COG5: variants seen among roughly 807,000 people sequenced by gnomAD.
COG5 encodes conserved oligomeric Golgi complex subunit 5.
COG5 carries 86 observed loss-of-function variants against 110.4 expected under a neutral mutation model. That is an observed-to-expected ratio of 0.78 (90% confidence interval 0.65 to 0.93). The LOEUF is 0.93. Ranked by LOEUF, COG5 falls within the 40% of genes least tolerant of loss-of-function variation. The pLI is 0.00. For synonymous variants in COG5, 360 were observed against 334.6 expected (o/e 1.08, Z -0.83); for missense variants, 1,077 against 987.0 (o/e 1.09, Z -1.22).
At chr7:107,312,815 T>A (rs1298148910) in intron 11 of COG5, among the ~76,000 whole-genome samples, 1 of 125,646 alleles carries the variant, frequency 8.0e-6, no homozygotes, top group African/African-American at 2.5e-5. Flanking sequence ...TTTAAAAAAA[T>A]TCATGCTTGG....
At chr7:107,266,268 GT>G (rs1223294104) in intron 14 of COG5, among the ~76,000 whole-genome samples, 4 of 152,232 alleles carry the variant, frequency 2.6e-5, no homozygotes, top group African/African-American at 9.6e-5. Context: ...ATTTTCTTGA[GT>G]GCTAAAACTA....
At position 107,203,365 on chromosome 7, in the gene COG5, G is replaced by A; in HGVS notation, c.*151C>T. 1 of 686,624 alleles carries A rather than the reference G, an allele frequency of 1.5e-6. No homozygotes were observed. 42.5% of individuals were successfully genotyped at this position (686,624 alleles called of 1,614,324 possible). A position where few individuals can be genotyped will look rare whatever the true frequency, so the allele number is the denominator to read the frequency against. ...ACATTTTTTATGCTAAAGTATAAGTGCTAAAGAGGTAAATAAACGTCGATA... is the reference window on the plus strand; with the variant it reads ...ACATTTTTTATGCTAAAGTATAAGTACTAAAGAGGTAAATAAACGTCGATA... On this transcript the variant is annotated 3_prime_UTR_variant, in exon 22 of 22. Coordinates refer to ENST00000297135, the MANE Select transcript of COG5 (RefSeq NM_006348.5).
intron 10 of COG5, among the ~76,000 whole-genome samples, chr7:107,360,970 G>T (rs1251106658): frequency 6.6e-6 from 1 of 152,206 alleles, no homozygotes; most frequent in South Asian, 2.1e-4. Flanking sequence ...ACACCCTAAG[G>T]ATCCTGTGAC....
At chr7:107,308,912 T>G (rs1317406780) in intron 11 of COG5, among the ~76,000 whole-genome samples, 1 of 142,960 alleles carries the variant, frequency 7.0e-6, no homozygotes, top group Non-Finnish European at 1.5e-5. Context: ...GTCTCTGATA[T>G]CTCCTTGGCT....
At chr7:107,292,517 C>T (rs981312966) in intron 12 of COG5, among the ~76,000 whole-genome samples, 3 of 152,084 alleles carry the variant, frequency 2.0e-5, no homozygotes, top group African/African-American at 7.2e-5. Flanking sequence ...CTGAAAGAGC[C>T]CATGTCCTTA....
chr7:107,270,641 A>G (rs1161351323), intron 14 of COG5, among the ~76,000 whole-genome samples: 1 of 151,984 alleles, frequency 6.6e-6, no homozygotes, highest in Admixed American at 6.6e-5. Flanking sequence ...ACACACACAC[A>G]CACACCCCTT....
intron 13 of COG5, among the ~76,000 whole-genome samples, chr7:107,282,007 CA>C (rs10706210): frequency 0.45 from 50,549 of 113,208 alleles, 9,708 homozygotes; most frequent in East Asian, 0.6. Flanking sequence ...ATCTGACTGC[CA>C]AAAAAAAAAA....
chr7:107,550,215 A>G (rs1282804063), intron 3 of COG5, among the ~76,000 whole-genome samples: 1 of 152,122 alleles, frequency 6.6e-6, no homozygotes, highest in Non-Finnish European at 1.5e-5. Context: ...TCTGCCATCA[A>G]CAAACCCTAT....
intron 14 of COG5, among the ~76,000 whole-genome samples, chr7:107,272,446 C>T (rs1243223546): frequency 6.6e-6 from 1 of 152,128 alleles, no homozygotes; most frequent in Admixed American, 6.5e-5. Context: ...GTGCTCTGAC[C>T]ACCTTGGGCA....
chr7:107,521,247 G>A (rs1290553191), intron 6 of COG5, among the ~76,000 whole-genome samples: 1 of 152,178 alleles, frequency 6.6e-6, no homozygotes, highest in Non-Finnish European at 1.5e-5. Context: ...AAGATTTCAT[G>A]ATGAAAACGC....
At chr7:107,265,795 C>G (rs1803750342) in intron 14 of COG5, among the ~76,000 whole-genome samples, 1 of 152,242 alleles carries the variant, frequency 6.6e-6, no homozygotes, top group Admixed American at 6.5e-5. Flanking sequence ...TGGCTCACGC[C>G]TGTAATCCCA....
At position 107,548,301 on chromosome 7, in the gene COG5, C is replaced by T. The variant is rs1221550494; in HGVS notation, c.324G>A (p.Gly108=). The change falls in exon 4 of 22, where the codon GGG becomes GGA. Residue 108 remains glycine, a synonymous_variant. Transcript: ENST00000297135. The stretch of plus-strand genomic sequence containing the variant: ...ACCTATCAACAGCTCCCTGTAAAGC[C>T]CCAATTCTCGTCTGCATCATCTGAA... ...GVLQMMQTRI[G]ALQGAVDRIK... The T allele has an allele frequency of 2.5e-6, 4 of 1,613,782 alleles. No individual in the cohort carries two copies. Among genetic ancestry groups the T allele is most frequent in the Non-Finnish European group, 3.4e-6 (4 of 1,179,760 alleles).
chr7:107,432,206 T>C (rs2129080446), intron 6 of COG5, among the ~76,000 whole-genome samples: 1 of 152,226 alleles, frequency 6.6e-6, no homozygotes, highest in South Asian at 2.1e-4. Context: ...AAATCTTAAG[T>C]ACAAAAAGAA....
At chr7:107,339,173 T>G (rs542634964) in intron 10 of COG5, among the ~76,000 whole-genome samples, 3 of 151,854 alleles carry the variant, frequency 2.0e-5, no homozygotes, top group Admixed American at 6.6e-5. Context: ...AAGTAAAGGG[T>G]TGGAGAAAGA....
chr7:107,213,931 C>T (rs567032580), intron 19 of COG5, among the ~76,000 whole-genome samples: 14 of 152,170 alleles, frequency 9.2e-5, no homozygotes, highest in Non-Finnish European at 1.8e-4. Context: ...AAGAGACGGT[C>T]ATCTATGGAA....
intron 14 of COG5, among the ~76,000 whole-genome samples, chr7:107,259,643 A>T (rs1019254288): frequency 1.3e-5 from 2 of 152,188 alleles, no homozygotes; most frequent in African/African-American, 4.8e-5. Context: ...TTTAAAAGTT[A>T]CAAGCTCTAG....
intron 6 of COG5, among the ~76,000 whole-genome samples, chr7:107,441,858 T>C (rs879410080): frequency 5.3e-5 from 8 of 152,274 alleles, no homozygotes; most frequent in Non-Finnish European, 1.2e-4. Context: ...CAGGGATTTA[T>C]TTAATAAGTC....
intron 19 of COG5, among the ~76,000 whole-genome samples, chr7:107,216,032 A>T (rs1457455924): frequency 1.3e-5 from 2 of 152,104 alleles, no homozygotes; most frequent in African/African-American, 4.8e-5. Flanking sequence ...ATTTCTAAGG[A>T]CACAAAGAAT....
At position 107,242,552 on chromosome 7, in the gene COG5, C is replaced by T. The variant is rs561552346; in HGVS notation, c.1853+5844G>A. ...CCAAGAGCAGAGCCTCCAGTGGCAG[C>T]TGAGAGCCTCTTTGCCACTGCCCCT... On this transcript the variant is annotated intron_variant, in intron 17 of 21. Coordinates refer to ENST00000297135, the MANE Select transcript of COG5 (RefSeq NM_006348.5). 2.6e-5 allele frequency among the ~76,000 whole-genome samples: 4 copies of T among 152,352 alleles called. No homozygotes were observed. The East Asian group carries it at 7.7e-4, about 29-fold the overall frequency.
Sources: gnomAD v4.1 joint callset for allele counts (sites outside exome capture counted in the v4.1 genomes callset) on GRCh38, gnomAD v4.1.1 for gene constraint, MANE v1.5 for transcripts, NCBI Gene and HGNC (gene_info 2026-07-23, HGNC 2026-07-21) for gene names.